TSHZ2: variants seen among roughly 807,000 people sequenced by gnomAD.
The protein encoded by TSHZ2 is teashirt homolog 2.
TSHZ2 carries 21 observed loss-of-function variants against 74.4 expected under a neutral mutation model. The ratio of observed to expected loss-of-function variants is 0.28; its 90% CI spans 0.20 to 0.41. TSHZ2 has a LOEUF of 0.41. Ranked by LOEUF, TSHZ2 falls within the 10% of genes least tolerant of loss-of-function variation. TSHZ2 has a pLI of 1.00. For missense variants in TSHZ2, 1,244 were observed against 1,293.5 expected (o/e 0.96, Z 0.59); for synonymous variants, 540 against 515.3 (o/e 1.05, Z -0.65).
chr20:53,023,952 T>C (rs949617950), intron 1 of TSHZ2, among the ~76,000 whole-genome samples: 31 of 152,178 alleles, frequency 2.0e-4, no homozygotes, highest in Admixed American at 5.9e-4. Flanking sequence ...TCTGTCAGCC[T>C]TTCCATTGTA....
intron 1 of TSHZ2, among the ~76,000 whole-genome samples, chr20:53,066,057 A>G (rs1984973281): frequency 6.6e-6 from 1 of 152,116 alleles, no homozygotes; most frequent in African/African-American, 2.4e-5. Context: ...GGGCTTTCCT[A>G]GAAACGTCTC....
chr20:53,345,421 G>A (rs1336022900), intron 2 of TSHZ2, among the ~76,000 whole-genome samples: 3 of 152,062 alleles, frequency 2.0e-5, no homozygotes, highest in Non-Finnish European at 4.4e-5. Flanking sequence ...GGACTTGTCT[G>A]GTCCCCCGTC....
intron 1 of TSHZ2, among the ~76,000 whole-genome samples, chr20:53,223,601 G>A (rs1350896920): frequency 6.6e-6 from 1 of 152,000 alleles, no homozygotes; most frequent in African/African-American, 2.4e-5. Flanking sequence ...TTGCTATGTT[G>A]CCCAGGCTGG....
chr20:53,096,206 A>G (rs924724605), intron 1 of TSHZ2, among the ~76,000 whole-genome samples: 4 of 152,148 alleles, frequency 2.6e-5, no homozygotes, highest in Admixed American at 6.5e-5. Context: ...CAGTGCTGCA[A>G]TCTCGGCTCA....
intron 2 of TSHZ2, among the ~76,000 whole-genome samples, chr20:53,339,596 T>C (rs1980097390): frequency 6.6e-6 from 1 of 152,080 alleles, no homozygotes; most frequent in East Asian, 1.9e-4. Flanking sequence ...CAAATATTAA[T>C]AGGAATTTCA....
rs192468536 is a variant in TSHZ2, at chr20:53,190,790, C to T, written c.41-62709C>T. ...ATTTCTTCCAGTGATAAGCCCTAGA[C>T]TTTCCCCAAGTCTCCTGCATCTATA... On this transcript the variant is annotated intron_variant, in intron 1 of 2. Coordinates refer to ENST00000371497, the MANE Select transcript of TSHZ2 (RefSeq NM_173485.6). Among the ~76,000 whole-genome samples, 494 of 152,330 alleles carry T rather than the reference C, an allele frequency of 3.2e-3. 1 individual carries two copies. The highest frequency in any genetic ancestry group is 5.3e-3 in the Non-Finnish European group (361 of 68,026).
At chr20:53,453,268 G>C (rs969385834) in intron 2 of TSHZ2, among the ~76,000 whole-genome samples, 1 of 152,168 alleles carries the variant, frequency 6.6e-6, no homozygotes, top group African/African-American at 2.4e-5. Flanking sequence ...TTCCAGGGAG[G>C]GCAGATGGCG....
chr20:53,001,869 G>A (rs1982453903), intron 1 of TSHZ2, among the ~76,000 whole-genome samples: 1 of 152,188 alleles, frequency 6.6e-6, no homozygotes, highest in African/African-American at 2.4e-5. Flanking sequence ...GTCTAGAACG[G>A]AGTTCCTGAG....
chr20:53,408,397 G>C (rs1439911898), intron 2 of TSHZ2, among the ~76,000 whole-genome samples: 1 of 152,134 alleles, frequency 6.6e-6, no homozygotes, highest in Non-Finnish European at 1.5e-5. Flanking sequence ...CTCTAATATC[G>C]TTAATGCATT....
At chr20:53,155,980 T>G (rs1398038400) in intron 1 of TSHZ2, among the ~76,000 whole-genome samples, 1 of 152,220 alleles carries the variant, frequency 6.6e-6, no homozygotes, top group Non-Finnish European at 1.5e-5. Flanking sequence ...GTTTTACATA[T>G]GTCTCTAAAT....
At position 53,018,411 on chromosome 20, in the gene TSHZ2, C is replaced by T. The variant is rs114243751; in HGVS notation, c.40+45078C>T. Among the ~76,000 whole-genome samples, 1,330 of 152,282 alleles carry T rather than the reference C, an allele frequency of 8.7e-3. 6 individuals carry two copies. The highest frequency in any genetic ancestry group is 0.018 in the African/African-American group (737 of 41,564). The stretch of plus-strand genomic sequence containing the variant: ...TTGGTCAAGGTCACCTGCTCCACTG[C>T]TAGTCCTGGAAAGGGGGTCTGGGTT... On this transcript the variant is annotated intron_variant, in intron 1 of 2. Coordinates refer to ENST00000371497, the MANE Select transcript of TSHZ2 (RefSeq NM_173485.6).
intron 2 of TSHZ2, chr20:53,461,673 G>A (rs1985378272): frequency 6.6e-6 from 1 of 152,164 alleles, no homozygotes; most frequent in Non-Finnish European, 1.5e-5. Context: ...GACTCTCTCA[G>A]ACACACACTC....
intron 1 of TSHZ2, among the ~76,000 whole-genome samples, chr20:53,001,205 CGTGTGTGTGTGTGTGTGTGTGTGT>C (rs558621179): frequency 4.2e-5 from 4 of 94,192 alleles, no homozygotes; most frequent in South Asian, 3.5e-4. Context: ...CGTTCATGTG[CGTGTGTGTGTGTGTGTGTGTGTGT>C]GTGTGTGTGT....
At chr20:53,204,761 A>G (rs904649892) in intron 1 of TSHZ2, among the ~76,000 whole-genome samples, 1 of 152,100 alleles carries the variant, frequency 6.6e-6, no homozygotes, top group Non-Finnish European at 1.5e-5. Flanking sequence ...CCCATTTTAT[A>G]GATGTGAACA....
intron 2 of TSHZ2, among the ~76,000 whole-genome samples, chr20:53,419,084 G>T (rs1466513092): frequency 1.3e-5 from 2 of 152,218 alleles, no homozygotes; most frequent in Admixed American, 6.5e-5. Flanking sequence ...CCATCGGGAA[G>T]TTGGCGCTAA....
chr20:52,979,594 C>A (rs937239576), intron 1 of TSHZ2, among the ~76,000 whole-genome samples: 9 of 152,090 alleles, frequency 5.9e-5, no homozygotes, highest in African/African-American at 2.2e-4. Flanking sequence ...AAAGCAAACT[C>A]CATGAATGAA....
At chr20:53,065,028 G>A (rs780911835) in intron 1 of TSHZ2, among the ~76,000 whole-genome samples, 45 of 152,144 alleles carry the variant, frequency 3.0e-4, no homozygotes, top group Non-Finnish European at 4.3e-4. Context: ...GGTTAAATTC[G>A]AAAATCGGTA....
intron 1 of TSHZ2, among the ~76,000 whole-genome samples, chr20:53,067,934 C>A (rs1985044051): frequency 6.6e-6 from 1 of 152,200 alleles, no homozygotes; most frequent in Admixed American, 6.5e-5. Flanking sequence ...TTCCTTGCCT[C>A]TTCCAGTTTC....
chr20:52,997,473 A>C (rs1230314560), intron 1 of TSHZ2, among the ~76,000 whole-genome samples: 2 of 152,198 alleles, frequency 1.3e-5, no homozygotes, highest in African/African-American at 4.8e-5. Flanking sequence ...TCGTGTTTGT[A>C]AGATTTCATT....
Sources: allele counts gnomAD v4.1 joint callset (sites outside exome capture counted in the v4.1 genomes callset), GRCh38; gene constraint gnomAD v4.1.1; transcripts MANE v1.5; gene names NCBI Gene and HGNC (gene_info 2026-07-23, HGNC 2026-07-21).